Variants in FOXP1 observed in about 807,000 individuals in gnomAD.
The protein encoded by FOXP1 is forkhead box P1.
Under a neutral mutation model 98.2 loss-of-function variants are expected in FOXP1, and 15 were observed. That is an observed-to-expected ratio of 0.15 (90% confidence interval 0.10 to 0.24). FOXP1 has a LOEUF of 0.24. FOXP1 is among the 10% of genes least tolerant of loss of function. FOXP1 has a pLI of 1.00. For synonymous variants in FOXP1, 371 were observed against 314.5 expected, an observed-to-expected ratio of 1.18 and a Z score of -1.90; for missense variants, 633 against 848.5, an observed-to-expected ratio of 0.75 and a Z score of 3.15.
chr3:71,481,588 T>C (rs1332124841), intron 3 of FOXP1, among the ~76,000 whole-genome samples: 1 of 152,244 alleles, frequency 6.6e-6, no homozygotes, highest in African/African-American at 2.4e-5. Context: ...GATATTTGCA[T>C]CTTAGTCAGT....
At chr3:71,537,207 G>A (rs950309368) in intron 2 of FOXP1, among the ~76,000 whole-genome samples, 8 of 152,180 alleles carry the variant, frequency 5.3e-5, no homozygotes, top group African/African-American at 7.2e-5. Context: ...TCTGCCTCCC[G>A]AAAGACAGAT....
chr3:71,568,574 C>A (rs1177104738), intron 2 of FOXP1, among the ~76,000 whole-genome samples: 1 of 152,148 alleles, frequency 6.6e-6, no homozygotes, highest in East Asian at 1.9e-4. Context: ...AAATAGGGAC[C>A]CCAAATTTTA....
intron 6 of FOXP1, among the ~76,000 whole-genome samples, chr3:71,162,757 T>G (rs2061205026): frequency 6.6e-6 from 1 of 152,184 alleles, no homozygotes; most frequent in South Asian, 2.1e-4. Context: ...TACCCCTTTA[T>G]CCACATATGT....
intron 3 of FOXP1, among the ~76,000 whole-genome samples, chr3:71,372,013 CT>C (rs1045954700): frequency 1.3e-5 from 2 of 150,976 alleles, no homozygotes; most frequent in African/African-American, 4.9e-5. Flanking sequence ...TCTTTTCTTT[CT>C]TTCTTTTTTT....
chr3:71,432,562 T>TA (rs1260745535), intron 3 of FOXP1, among the ~76,000 whole-genome samples: 1 of 152,114 alleles, frequency 6.6e-6, no homozygotes, highest in Non-Finnish European at 1.5e-5. Context: ...ACGCCCCACC[T>TA]AACATAGGGC....
chr3:71,389,648 T>A (rs1423790586), intron 3 of FOXP1, among the ~76,000 whole-genome samples: 1 of 152,172 alleles, frequency 6.6e-6, no homozygotes, highest in African/African-American at 2.4e-5. Context: ...TTAAAAACCA[T>A]TAAAGATAGA....
chr3:71,036,328 C>T (rs1407907100), intron 11 of FOXP1, among the ~76,000 whole-genome samples: 1 of 152,164 alleles, frequency 6.6e-6, no homozygotes, highest in African/African-American at 2.4e-5. Flanking sequence ...GTAAAGCGCC[C>T]AGTGTGCGTC....
At chr3:71,344,014 T>C (rs2077175787) in intron 4 of FOXP1, among the ~76,000 whole-genome samples, 1 of 152,204 alleles carries the variant, frequency 6.6e-6, no homozygotes, top group Non-Finnish European at 1.5e-5. Flanking sequence ...AAGAACTACA[T>C]ATAGAAACAG....
intron 6 of FOXP1, among the ~76,000 whole-genome samples, chr3:71,153,376 C>A (rs1384689082): frequency 6.6e-6 from 1 of 152,014 alleles, no homozygotes; most frequent in Non-Finnish European, 1.5e-5. Flanking sequence ...TAAGTATTCT[C>A]CAGGGACGTT....
intron 6 of FOXP1, among the ~76,000 whole-genome samples, chr3:71,126,129 T>C (rs1185124820): frequency 6.6e-6 from 1 of 152,050 alleles, no homozygotes; most frequent in East Asian, 1.9e-4. Context: ...GGGAGAAAAA[T>C]AAAAAATATG....
chr3:71,464,873 C>G (rs998552032), intron 3 of FOXP1, among the ~76,000 whole-genome samples: 6 of 152,208 alleles, frequency 3.9e-5, no homozygotes, highest in Non-Finnish European at 7.3e-5. Context: ...AACTGCCCCC[C>G]TTCCCCTTAC....
At chr3:71,244,326 T>G (rs545732814) in intron 5 of FOXP1, among the ~76,000 whole-genome samples, 177 of 151,850 alleles carry the variant, frequency 1.2e-3, no homozygotes, top group Non-Finnish European at 1.9e-3. Context: ...GCATGATCTC[T>G]CCCCCCTCTT....
chr3:71,422,017 T>C (rs1360086330), intron 3 of FOXP1, among the ~76,000 whole-genome samples: 1 of 152,198 alleles, frequency 6.6e-6, no homozygotes, highest in Non-Finnish European at 1.5e-5. Context: ...CCAGCCCAAC[T>C]TTTTAAGACA....
intron 2 of FOXP1, among the ~76,000 whole-genome samples, chr3:71,502,670 A>C (rs2041485893): frequency 6.6e-6 from 1 of 152,216 alleles, no homozygotes; most frequent in Admixed American, 6.5e-5. Context: ...TATATTCATA[A>C]TGATGATGTT....
At chr3:71,510,537 T>C (rs2042131012) in intron 2 of FOXP1, among the ~76,000 whole-genome samples, 1 of 152,026 alleles carries the variant, frequency 6.6e-6, no homozygotes, top group Non-Finnish European at 1.5e-5. Flanking sequence ...CCAGTCCAGG[T>C]ACTTCAGAAA....
chr3:71,325,917 C>T lies in FOXP1; in HGVS notation c.-72-26037G>A, dbSNP rs568189875. Among the ~76,000 whole-genome samples the T allele has an allele frequency of 2.6e-5, 4 of 152,246 alleles. No individual in the cohort carries two copies. The South Asian group carries it at 8.3e-4, about 32-fold the overall frequency. ...GAAGAGAACGCCTGATGAATGTATT[C>T]TTTGTATACCAAATATACAGTGGAC... On this transcript the variant is annotated intron_variant, in intron 4 of 20. Coordinates refer to ENST00000649528, the MANE Select transcript of FOXP1 (RefSeq NM_001349338.3).
At chr3:71,092,137 G>A (rs1366819533) in intron 7 of FOXP1, among the ~76,000 whole-genome samples, 7 of 151,570 alleles carry the variant, frequency 4.6e-5, no homozygotes, top group Admixed American at 2.0e-4. Flanking sequence ...GTAGTGAGCT[G>A]AGATCGCACC....
intron 5 of FOXP1, among the ~76,000 whole-genome samples, chr3:71,243,415 C>A (rs1234261227): frequency 2.6e-5 from 4 of 152,144 alleles, no homozygotes; most frequent in Non-Finnish European, 4.4e-5. Flanking sequence ...AAATAAAATT[C>A]TTAGCACTCG....
intron 7 of FOXP1, among the ~76,000 whole-genome samples, chr3:71,076,713 C>G (rs1020970276): frequency 6.6e-6 from 1 of 152,286 alleles, no homozygotes; most frequent in Admixed American, 6.5e-5. Flanking sequence ...CTTATCTCTT[C>G]CTCTTCTCCT....
Sources: allele counts gnomAD v4.1 joint callset (sites outside exome capture counted in the v4.1 genomes callset), GRCh38; gene constraint gnomAD v4.1.1; transcripts MANE v1.5; gene names NCBI Gene and HGNC (gene_info 2026-07-23, HGNC 2026-07-21).